The following RCC1L variants were observed in gnomAD, a reference collection of about 807,000 sequenced individuals.
The protein encoded by RCC1L is RCC1 like.
Under a neutral mutation model 58.6 loss-of-function variants are expected in RCC1L, and 46 were observed. The observed-to-expected ratio is 0.79, with a 90% CI of 0.62 to 1.00. The LOEUF (loss-of-function observed/expected upper bound fraction) is 1.00, where lower values mean the gene tolerates loss of function less well. Among genes scored for constraint, RCC1L ranks in the 50% least tolerant of loss-of-function variants. The pLI is 0.00. For synonymous variants in RCC1L, 281 were observed against 262.9 expected, an observed-to-expected ratio of 1.07 and a Z score of -0.67; for missense variants, 636 against 623.6, an observed-to-expected ratio of 1.02 and a Z score of -0.21.
chr7:75,049,705 C>T (rs1554443155), intron 10 of RCC1L, among the ~76,000 whole-genome samples: 2 of 151,800 alleles, frequency 1.3e-5, no homozygotes, highest in African/African-American at 2.4e-5. Context: ...ACGGCAAGAC[C>T]CCATCTCTAC....
downstream of RCC1L, among the ~76,000 whole-genome samples, chr7:75,038,985 C>T (rs1186941153): frequency 3.3e-5 from 5 of 152,178 alleles, no homozygotes; most frequent in East Asian, 1.9e-4. Flanking sequence ...GGACAACAGG[C>T]GCGCGTCACC....
chr7:75,038,255 T>C (rs1251868833), downstream of RCC1L, among the ~76,000 whole-genome samples: 1 of 151,950 alleles, frequency 6.6e-6, no homozygotes, highest in Non-Finnish European at 1.5e-5. Context: ...CCAGAACAGT[T>C]GTTTGTTTGT....
chr7:75,050,802 C>T (rs1415582162), intron 10 of RCC1L, among the ~76,000 whole-genome samples: 1 of 152,064 alleles, frequency 6.6e-6, no homozygotes, highest in Non-Finnish European at 1.5e-5. Flanking sequence ...TCCAACAAGG[C>T]TAAAGTCGCC....
chr7:75,043,760 A>G (rs1309084211), intron 10 of RCC1L, among the ~76,000 whole-genome samples: 1 of 152,114 alleles, frequency 6.6e-6, no homozygotes, highest in African/African-American at 2.4e-5. Context: ...GGCTGCAGTG[A>G]GCCAAGATTG....
At chr7:75,043,338 T>G (rs1805621967) in intron 10 of RCC1L, among the ~76,000 whole-genome samples, 1 of 152,182 alleles carries the variant, frequency 6.6e-6, no homozygotes. Context: ...TCAGGACAAC[T>G]GCGTGTGGTC....
At chr7:75,062,244 C>G (rs1454415756) in intron 5 of RCC1L, among the ~76,000 whole-genome samples, 1 of 38,640 alleles carries the variant, frequency 2.6e-5, no homozygotes, top group Admixed American at 3.0e-4. Flanking sequence ...GGAGGCCTGA[C>G]ATGGTGGCTT....
Position 75,073,558 on chromosome 7 carries a change from G to A in RCC1L, c.180C>T (p.Arg60=). Residue 60 remains arginine (R), a synonymous_variant, in exon 1 of 11, where the codon CGC becomes CGT. Transcript: ENST00000610322. ...YVGERAARAD[R]VFVWGFSFSG... ...AGAAGCTGAAGCCCCACACGAAGACGCGATCGGCGCGGGCAGCGCGCTCGC... is the reference window on the plus strand; with the variant it reads ...AGAAGCTGAAGCCCCACACGAAGACACGATCGGCGCGGGCAGCGCGCTCGC... 1 of 1,507,272 alleles carries A rather than the reference G, an allele frequency of 6.6e-7. No homozygotes were observed. Among genetic ancestry groups the A allele is most frequent in the African/African-American group, 1.5e-5 (1 of 68,896 alleles). The allele number at this position is 1,507,272 out of a possible 1,614,324, so 93.4% of individuals were successfully genotyped here.
intron 9 of RCC1L, chr7:75,055,623 T>G (rs1036539602): frequency 2.2e-5 from 10 of 464,844 alleles, no homozygotes; most frequent in South Asian, 2.1e-4. Context: ...CAATGCCCCT[T>G]CCTACCACCG....
At chr7:75,056,646 G>C in intron 8 of RCC1L, 1 of 1,535,364 alleles carries the variant, frequency 6.5e-7, no homozygotes, top group Admixed American at 2.0e-5. Context: ...TCTGGCCCAG[G>C]CTAAGGGAGG....
chr7:75,068,471 A>G (rs1162452404), intron 2 of RCC1L, among the ~76,000 whole-genome samples: 1 of 152,158 alleles, frequency 6.6e-6, no homozygotes, highest in Admixed American at 6.6e-5. Context: ...GGACCACTTG[A>G]GGTCAGGAGT....
intron 10 of RCC1L, among the ~76,000 whole-genome samples, chr7:75,028,379 C>T (rs2131963340): frequency 6.6e-6 from 1 of 152,220 alleles, no homozygotes; most frequent in East Asian, 1.9e-4. Context: ...CCTTGGCCTC[C>T]CGAAGTGCTG....
chr7:75,073,355 AG>A, intron 1 of RCC1L, 58 bp downstream of exon 1: 1 of 784,664 alleles, frequency 1.3e-6, no homozygotes, highest in South Asian at 2.7e-5. Context: ...GAACAGGTCG[AG>A]GGAGGCCGGG....
At chr7:75,030,089 G>A (rs956740712) in intron 10 of RCC1L, among the ~76,000 whole-genome samples, 1 of 152,262 alleles carries the variant, frequency 6.6e-6, no homozygotes, top group African/African-American at 2.4e-5. Flanking sequence ...GGCATCCAGG[G>A]ACAGCCTGGT....
At chr7:75,063,804 C>A (rs1386759348) in intron 4 of RCC1L, among the ~76,000 whole-genome samples, 2 of 152,036 alleles carry the variant, frequency 1.3e-5, no homozygotes, top group Non-Finnish European at 2.9e-5. Context: ...CCTGTAATCC[C>A]AGCTATTCGG....
intron 10 of RCC1L, among the ~76,000 whole-genome samples, chr7:75,036,514 C>T (rs1322551279): frequency 1.3e-5 from 2 of 152,132 alleles, no homozygotes; most frequent in Non-Finnish European, 2.9e-5. Flanking sequence ...AGCAGGCATC[C>T]TTCTCACCAC....
rs1263791453 is a variant in RCC1L, at chr7:75,052,588, C to G, written c.1317+123G>C. The G allele has an allele frequency of 5.6e-6, 5 of 886,026 alleles. No homozygotes were observed. The African/African-American group carries it at 6.6e-5, about 12-fold the overall frequency. The allele number at this position is 886,026 out of a possible 1,614,324, so 54.9% of individuals were successfully genotyped here. A position where few individuals can be genotyped will look rare whatever the true frequency, so the allele number is the denominator to read the frequency against. ...CCGCGCTGCAGGAGTGCAGCCAGGA[C>G]CCGGAAGGGGGAGCAGGTCCCATGG... On this transcript the variant is annotated intron_variant, in intron 10 of 10. Transcript: ENST00000610322.
chr7:75,058,556 C>T, intron 7 of RCC1L, 32 bp downstream of exon 7: 1 of 1,563,650 alleles, frequency 6.4e-7, no homozygotes, highest in Non-Finnish European at 8.7e-7. Context: ...GTTTCCAAAC[C>T]TCCCAGCACC....
chr7:75,036,674 AC>A (rs1338652072), intron 10 of RCC1L, among the ~76,000 whole-genome samples: 1 of 152,030 alleles, frequency 6.6e-6, no homozygotes, highest in Non-Finnish European at 1.5e-5. Context: ...TGGGCGGATT[AC>A]ATGAAGCCAG....
intron 10 of RCC1L, among the ~76,000 whole-genome samples, chr7:75,036,443 C>A (rs1805432440): frequency 6.6e-6 from 1 of 151,922 alleles, no homozygotes; most frequent in South Asian, 2.1e-4. Flanking sequence ...TTATGAACAT[C>A]ATTGCCTTGG....
Sources: gnomAD v4.1 joint callset for allele counts (sites outside exome capture counted in the v4.1 genomes callset) on GRCh38, gnomAD v4.1.1 for gene constraint, MANE v1.5 for transcripts, NCBI Gene and HGNC (gene_info 2026-07-23, HGNC 2026-07-21) for gene names.